Variants in PKD2L2 observed in about 807,000 individuals in gnomAD.
PKD2L2 encodes polycystin 2 like 2, transient receptor potential cation channel, also known as polycystin-2-like protein 2.
In PKD2L2, 67 loss-of-function variants were observed where a neutral mutation model predicts 83.9. That is an observed-to-expected ratio of 0.80 (90% CI 0.66 to 0.98). The LOEUF (loss-of-function observed/expected upper bound fraction) is 0.98. Among genes scored for constraint, PKD2L2 ranks in the 50% least tolerant of loss-of-function variants. The probability of loss-of-function intolerance (pLI) is 0.00; values close to 1 mark genes in which losing one functional copy is unlikely to be tolerated. For missense variants in PKD2L2, 632 were observed against 717.2 expected (o/e 0.88, Z 1.36); for synonymous variants, 223 against 237.8 (o/e 0.94, Z 0.57).
At chr5:137,935,939 G>A (rs1445911625) in intron 13 of PKD2L2, 30 bp downstream of exon 13, 2 of 1,183,314 alleles carry the variant, frequency 1.7e-6, no homozygotes, top group African/African-American at 1.5e-5. Context: ...AGACTATTAT[G>A]GGATATCATG....
intron 8 of PKD2L2, among the ~76,000 whole-genome samples, chr5:137,916,375 T>C (rs761783878): frequency 4.0e-5 from 6 of 151,532 alleles, no homozygotes; most frequent in Non-Finnish European, 7.4e-5. Context: ...TGAAGTTTCA[T>C]CATGTTGGCC....
chr5:137,914,958 T>C (rs1047123001), intron 8 of PKD2L2, among the ~76,000 whole-genome samples: 1 of 152,344 alleles, frequency 6.6e-6, no homozygotes. Flanking sequence ...ATCCTTGCAT[T>C]GTAGGGATAA....
chr5:137,909,595 A>G, intron 8 of PKD2L2, among the ~76,000 whole-genome samples: 1 of 136,132 alleles, frequency 7.3e-6, no homozygotes, highest in African/African-American at 2.8e-5. Context: ...CCCAGGCTGG[A>G]CTACACTGGC....
chr5:137,902,784 G>C (rs1757073855), intron 5 of PKD2L2, among the ~76,000 whole-genome samples: 1 of 152,166 alleles, frequency 6.6e-6, no homozygotes, highest in South Asian at 2.1e-4. Flanking sequence ...ACACAAAGGA[G>C]GGCAAAACTG....
intron 12 of PKD2L2, among the ~76,000 whole-genome samples, chr5:137,929,145 G>A (rs1300269375): frequency 3.3e-5 from 5 of 152,108 alleles, no homozygotes; most frequent in African/African-American, 1.2e-4. Flanking sequence ...GCAAGAAAGG[G>A]AGGACTAAGG....
intron 14 of PKD2L2, among the ~76,000 whole-genome samples, chr5:137,940,980 G>A (rs777216413): frequency 1.3e-5 from 2 of 152,074 alleles, no homozygotes; most frequent in African/African-American, 2.4e-5. Flanking sequence ...ATCTCAGCTC[G>A]CTGCAAGCTC....
chr5:137,936,081 A>C (rs1200393898), intron 13 of PKD2L2, among the ~76,000 whole-genome samples, 172 bp downstream of exon 13: 1 of 152,192 alleles, frequency 6.6e-6, no homozygotes, highest in Admixed American at 6.5e-5. Context: ...ACAAGGTGAG[A>C]AGCTTTTGAT....
At chr5:137,890,692 A>T (rs1755891498) in intron 2 of PKD2L2, 110 bp downstream of exon 2, 1 of 532,404 alleles carries the variant, frequency 1.9e-6, no homozygotes. Context: ...GGCTACTAAA[A>T]CTCAAAATAC....
intron 13 of PKD2L2, 22 bp from the exon 14 acceptor site, chr5:137,936,298 T>C: frequency 1.3e-6 from 2 of 1,521,430 alleles, no homozygotes; most frequent in Non-Finnish European, 1.8e-6. Context: ...ACTCATTCTC[T>C]ACTTCCTTCG....
At chr5:137,931,452 A>T (rs561770232) in intron 12 of PKD2L2, among the ~76,000 whole-genome samples, 1 of 152,360 alleles carries the variant, frequency 6.6e-6, no homozygotes, top group African/African-American at 2.4e-5. Context: ...ATATTAGCAG[A>T]TAGAATCTAA....
chr5:137,915,136 A>G (rs1758208426), intron 8 of PKD2L2, among the ~76,000 whole-genome samples: 1 of 152,188 alleles, frequency 6.6e-6, no homozygotes, highest in Non-Finnish European at 1.5e-5. Flanking sequence ...ATAGCCACGT[A>G]AAATGAGTTT....
chr5:137,889,753 G>A (rs1755780418), intron 1 of PKD2L2, among the ~76,000 whole-genome samples: 1 of 152,146 alleles, frequency 6.6e-6, no homozygotes, highest in Non-Finnish European at 1.5e-5. Context: ...GCTCGAGCTG[G>A]GCGTTGTCAC....
chr5:137,940,006 G>C, intron 14 of PKD2L2: 2 of 1,600,140 alleles, frequency 1.2e-6, no homozygotes, highest in East Asian at 4.5e-5. Context: ...TAAAGGTGGA[G>C]AGGACAGTCT....
At position 137,900,253 on chromosome 5, in the gene PKD2L2, C is replaced by T. The variant is rs371304543; in HGVS notation, c.746+516C>T. 1.1e-4 allele frequency among the ~76,000 whole-genome samples: 16 copies of T among 152,300 alleles called. No homozygotes were observed. In the East Asian group the frequency reaches 1.3e-3, roughly 13 times the overall value. On this transcript the variant is annotated intron_variant, in intron 5 of 14. Coordinates refer to ENST00000508883, the MANE Select transcript of PKD2L2 (RefSeq NM_001300921.2). ...TGTTATGAGTATCCATTTAAAGTGTCGTGTGATGCTCACCATCTTCACATA... is the reference window on the plus strand; with the variant it reads ...TGTTATGAGTATCCATTTAAAGTGTTGTGTGATGCTCACCATCTTCACATA...
In PKD2L2 at chr5:137,923,490, T is replaced by C. The variant is rs12187140; in HGVS notation, c.1520T>C (p.Leu507Pro). The C allele has an allele frequency of 1, 1,552,201 of 1,557,864 alleles. 773,470 individuals are homozygous for C. The highest frequency in any genetic ancestry group is 1 in the East Asian group (44,622 of 44,622). Residue 507 changes from leucine to proline, a missense_variant, in exon 10 of 15, where the codon CTA (leucine) becomes CCA (proline). Leu to Pro is a moderately conservative substitution (Grantham distance 98). Coordinates refer to ENST00000508883, the MANE Select transcript of PKD2L2 (RefSeq NM_001300921.2). ...GCTGACTATTCAATAGGCAGAAGGC[T>C]AGATTTTGAACTTGGCAAAATGATT... ...VKADYSIGRR[L>P]DFELGKMIKQ...
At chr5:137,938,824 A>G (rs1438015421) in intron 14 of PKD2L2, 1 of 152,580 alleles carries the variant, frequency 6.6e-6, no homozygotes, top group Non-Finnish European at 1.5e-5. Context: ...TATGGAATAA[A>G]TTGTTAATAT....
At chr5:137,921,247 G>A (rs2150044062) in intron 8 of PKD2L2, among the ~76,000 whole-genome samples, 1 of 152,030 alleles carries the variant, frequency 6.6e-6, no homozygotes, top group African/African-American at 2.4e-5. Flanking sequence ...TGTAATCCCA[G>A]CTACTTGGGA....
chr5:137,924,346 G>A (rs1759190264), intron 10 of PKD2L2, among the ~76,000 whole-genome samples: 1 of 152,088 alleles, frequency 6.6e-6, no homozygotes, highest in Non-Finnish European at 1.5e-5. Flanking sequence ...AATCTGTTTT[G>A]TGACGCTTAT....
At chr5:137,897,024 T>C (rs945933422) in intron 4 of PKD2L2, among the ~76,000 whole-genome samples, 2 of 125,232 alleles carry the variant, frequency 1.6e-5, no homozygotes, top group Non-Finnish European at 3.3e-5. Flanking sequence ...AGTATGATGA[T>C]ACATTATTAT....
Sources: allele counts gnomAD v4.1 joint callset (sites outside exome capture counted in the v4.1 genomes callset), GRCh38; gene constraint gnomAD v4.1.1; transcripts MANE v1.5; gene names NCBI Gene and HGNC (gene_info 2026-07-23, HGNC 2026-07-21).